Variants in IPO8 observed in about 807,000 individuals in gnomAD.
The protein encoded by IPO8 is importin-8.
Under a neutral mutation model 141.2 loss-of-function variants are expected in IPO8, and 65 were observed. The ratio of observed to expected loss-of-function variants is 0.46; its 90% CI spans 0.38 to 0.57. The LOEUF (loss-of-function observed/expected upper bound fraction) is 0.57. Among genes scored for constraint, IPO8 ranks in the 20% least tolerant of loss-of-function variants. The probability of loss-of-function intolerance (pLI) is 0.00; values close to 1 mark genes in which losing one functional copy is unlikely to be tolerated. For missense variants in IPO8, 980 were observed against 1,246.8 expected (o/e 0.79, Z 3.22); for synonymous variants, 411 against 420.3 (o/e 0.98, Z 0.27).
chr12:30,665,352 C>G (rs747245504), intron 12 of IPO8, 43 bp from the exon 13 acceptor site: 1 of 1,095,728 alleles, frequency 9.1e-7, no homozygotes, highest in African/African-American at 1.6e-5. Context: ...CTTTTTCATA[C>G]GTAAGAATCA....
At chr12:30,691,433 G>A (rs1565512391) in intron 1 of IPO8, among the ~76,000 whole-genome samples, 1 of 152,200 alleles carries the variant, frequency 6.6e-6, no homozygotes, top group Non-Finnish European at 1.5e-5. Flanking sequence ...CACCCCACAG[G>A]TGTGCTCTAC....
chr12:30,634,388 GA>G, intron 22 of IPO8, 102 bp from the exon 23 acceptor site: 1 of 841,710 alleles, frequency 1.2e-6, no homozygotes, highest in Non-Finnish European at 1.8e-6. Flanking sequence ...CTCTGGAAAG[GA>G]AAAAATCTTC....
chr12:30,640,526 C>A (rs1291920301), intron 20 of IPO8, among the ~76,000 whole-genome samples: 1 of 152,086 alleles, frequency 6.6e-6, no homozygotes, highest in Non-Finnish European at 1.5e-5. Context: ...ACTACACATA[C>A]TTTTAAGACC....
rs1360574771 is a variant in IPO8, at chr12:30,632,780, A to G, written c.2900-769T>C. ...TCACCGGGTAACTCCCCTGAAGTGA[A>G]TTACCACATCTAAAAGGTCACCGCC... On this transcript the variant is annotated intron_variant, in intron 23 of 24. Coordinates refer to ENST00000256079, the MANE Select transcript of IPO8 (RefSeq NM_006390.4). Among the ~76,000 whole-genome samples the G allele has an allele frequency of 2.6e-5, 4 of 152,286 alleles. No homozygotes were observed. In the East Asian group the frequency reaches 7.7e-4, roughly 29 times the overall value.
intron 8 of IPO8, among the ~76,000 whole-genome samples, chr12:30,672,344 C>G (rs938038170): frequency 1.1e-4 from 17 of 152,162 alleles, no homozygotes; most frequent in Non-Finnish European, 5.9e-5. Context: ...GAAACCCCTT[C>G]TGTGATGCAA....
chr12:30,679,267 T>C (rs1436717659), intron 5 of IPO8, among the ~76,000 whole-genome samples: 1 of 152,242 alleles, frequency 6.6e-6, no homozygotes, highest in East Asian at 1.9e-4. Context: ...ATTAATGTAT[T>C]AGTACATAAC....
chr12:30,681,297 A>G (rs1239475776), intron 4 of IPO8, among the ~76,000 whole-genome samples: 1 of 152,172 alleles, frequency 6.6e-6, no homozygotes, highest in Non-Finnish European at 1.5e-5. Flanking sequence ...AACATTTTCT[A>G]TCTTGCATCC....
At chr12:30,648,896 A>AT (rs141616029) in intron 20 of IPO8, among the ~76,000 whole-genome samples, 50,754 of 151,724 alleles carry the variant, frequency 0.33, 10,098 homozygotes, top group African/African-American at 0.55. Context: ...TTCCTTCATT[A>AT]TTTTTTTGAT....
At position 30,639,501 on chromosome 12, in the gene IPO8, CAA is replaced by C. The variant is rs2052548136; in HGVS notation, c.2489+12_2489+13del. ...AGAAACAGAAAAGCAGTGTAAAATCCAAAAGACACATACCCAAGAAAACAATC... is the reference window on the plus strand; with the variant it reads ...AGAAACAGAAAAGCAGTGTAAAATCCAAGACACATACCCAAGAAAACAATC... On this transcript the variant is annotated intron_variant, in intron 21 of 24. Transcript: ENST00000256079. 4 of 1,573,082 alleles carry C rather than the reference CAA, an allele frequency of 2.5e-6. No homozygotes were observed. In the East Asian group the frequency reaches 9.0e-5, roughly 35 times the overall value.
intron 20 of IPO8, among the ~76,000 whole-genome samples, chr12:30,645,597 A>C (rs2052634349): frequency 6.6e-6 from 1 of 152,154 alleles, no homozygotes; most frequent in African/African-American, 2.4e-5. Flanking sequence ...TCTTTGAAAA[A>C]ATCAAAATTG....
chr12:30,671,155 G>T, intron 8 of IPO8, 59 bp from the exon 9 acceptor site: 1 of 1,195,034 alleles, frequency 8.4e-7, no homozygotes, highest in Non-Finnish European at 1.2e-6. Flanking sequence ...AAAGGGGGAG[G>T]TGCCATTTTT....
At position 30,681,715 on chromosome 12, in the gene IPO8, G is replaced by A; in HGVS notation, c.426C>T (p.Ser142=). ...ATAAACTGCCAAGCCAGCTTGCACT[G>A]CTCTGTGATTGCAAGTAATAGTCTA... The part of the protein sequence containing the change: ...DKIDYYLQSQ[S]SASWLGSLLC... The change falls in exon 4 of 25, where the codon AGC becomes AGT. Residue 142 remains serine (S), a synonymous_variant. Coordinates refer to ENST00000256079, the MANE Select transcript of IPO8 (RefSeq NM_006390.4). 1 of 1,613,716 alleles carries A rather than the reference G, an allele frequency of 6.2e-7. No homozygotes were observed. The highest frequency in any genetic ancestry group is 8.5e-7 in the Non-Finnish European group (1 of 1,179,674).
intron 20 of IPO8, among the ~76,000 whole-genome samples, chr12:30,641,493 C>CTT (rs58656525): frequency 0.015 from 1,976 of 134,984 alleles, 54 homozygotes; most frequent in African/African-American, 0.049. Context: ...TAAGCTATTT[C>CTT]TTTTTTTTTT....
At position 30,639,560 on chromosome 12, in the gene IPO8, A is replaced by G. The variant is rs2052548836; in HGVS notation, c.2444T>C (p.Val815Ala). 3 of 1,613,908 alleles carry G rather than the reference A, an allele frequency of 1.9e-6. No homozygotes were observed. The highest frequency in any genetic ancestry group is 1.7e-6 in the Non-Finnish European group (2 of 1,179,756). The change falls in exon 21 of 25, where the codon GTA (valine) becomes GCA (alanine). Residue 815 changes from valine to alanine, a missense_variant. Val to Ala is a moderately conservative substitution (Grantham distance 64, BLOSUM62 0). Transcript: ENST00000256079. ...ATTCATCCATTGATTTATAAACTGT[A>G]CAGTGATAGGTCCAGGGTTGTGAGG... ...QLPHNPGPIT[V>A]QFINQWMNDT...
In IPO8 at chr12:30,649,218, A is replaced by G. The variant is rs1052660469; in HGVS notation, c.2187T>C (p.Asp729=). 1.2e-5 allele frequency: 20 copies of G among 1,612,550 alleles called. No homozygotes were observed. Among genetic ancestry groups the G allele is most frequent in the Non-Finnish European group, 1.7e-5 (20 of 1,178,956 alleles). Residue 729 remains aspartate, a synonymous_variant, in exon 20 of 25, where the codon GAT becomes GAC. Coordinates refer to ENST00000256079, the MANE Select transcript of IPO8 (RefSeq NM_006390.4). ...CATGACACTCTGCATCTTCTCCTGC[A>G]TCTCCACATAGTACCTGCAGTAATT... ...FTMCRKVLCG[D]AGEDAECHAA... is the part of the protein sequence containing the mutation.
At chr12:30,663,175 C>G (rs866458211) in intron 14 of IPO8, among the ~76,000 whole-genome samples, 6 of 152,106 alleles carry the variant, frequency 3.9e-5, no homozygotes, top group Admixed American at 3.9e-4. Flanking sequence ...GAAACCTGAG[C>G]CTTGACAGAT....
chr12:30,664,442 G>A (rs964713684), intron 13 of IPO8, among the ~76,000 whole-genome samples: 5 of 152,100 alleles, frequency 3.3e-5, no homozygotes, highest in Non-Finnish European at 5.9e-5. Flanking sequence ...TAAAAGTCCT[G>A]TTTCTATTTC....
chr12:30,638,201 A>G (rs2052528425), intron 21 of IPO8, among the ~76,000 whole-genome samples: 1 of 152,246 alleles, frequency 6.6e-6, no homozygotes, highest in Admixed American at 6.5e-5. Flanking sequence ...TAATAAACAC[A>G]TAAGAGAACC....
intron 2 of IPO8, among the ~76,000 whole-genome samples, chr12:30,685,772 A>G (rs965632553): frequency 6.6e-6 from 1 of 151,764 alleles, no homozygotes; most frequent in African/African-American, 2.4e-5. Context: ...TAAAAATACC[A>G]AAATTAGCCA....
Sources: gnomAD v4.1 joint callset for allele counts (sites outside exome capture counted in the v4.1 genomes callset) on GRCh38, gnomAD v4.1.1 for gene constraint, MANE v1.5 for transcripts, NCBI Gene and HGNC (gene_info 2026-07-23, HGNC 2026-07-21) for gene names.